Variants in SIPA1L2 observed in about 807,000 individuals in gnomAD.
The protein encoded by SIPA1L2 is signal-induced proliferation-associated 1-like protein 2.
In SIPA1L2, 56 loss-of-function variants were observed where a neutral mutation model predicts 163.9. The ratio of observed to expected loss-of-function variants is 0.34; its 90% confidence interval spans 0.28 to 0.43. The LOEUF is 0.43. Ranked by LOEUF, SIPA1L2 falls within the 20% of genes least tolerant of loss-of-function variation. The pLI, the probability that SIPA1L2 is intolerant of heterozygous loss-of-function variation, is 1.00. For missense variants in SIPA1L2, 1,974 were observed against 2,193.5 expected, an observed-to-expected ratio of 0.90 and a Z score of 2.00; for synonymous variants, 877 against 865.7, an observed-to-expected ratio of 1.01 and a Z score of -0.23.
At chr1:232,414,368 C>T (rs1438030485) in intron 19 of SIPA1L2, among the ~76,000 whole-genome samples, 1 of 152,118 alleles carries the variant, frequency 6.6e-6, no homozygotes, top group South Asian at 2.1e-4. Context: ...TAACGCATTA[C>T]GCTAGTCACA....
chr1:232,576,512 G>A (rs552582374), intron 1 of SIPA1L2, among the ~76,000 whole-genome samples: 3 of 152,172 alleles, frequency 2.0e-5, no homozygotes, highest in South Asian at 2.1e-4. Flanking sequence ...CAGACCTCCC[G>A]ATTCCCTGAG....
chr1:232,619,737 G>C (rs1662696582), intron 1 of SIPA1L2, among the ~76,000 whole-genome samples: 1 of 152,194 alleles, frequency 6.6e-6, no homozygotes, highest in Non-Finnish European at 1.5e-5. Context: ...AAGACTTCAA[G>C]ATGGCATGGT....
chr1:232,587,684 T>C (rs2102819740), intron 1 of SIPA1L2, among the ~76,000 whole-genome samples: 1 of 152,208 alleles, frequency 6.6e-6, no homozygotes, highest in East Asian at 1.9e-4. Context: ...CCTCACTTAT[T>C]GTCCTTGATG....
At chr1:232,630,486 C>G (rs1454259046), upstream of SIPA1L2, among the ~76,000 whole-genome samples, 1 of 152,218 alleles carries the variant, frequency 6.6e-6, no homozygotes, top group African/African-American at 2.4e-5. Flanking sequence ...GCTTTCGCCC[C>G]TCTGAGGAAT....
chr1:232,483,461 G>A (rs964000704), intron 6 of SIPA1L2, among the ~76,000 whole-genome samples: 1 of 151,892 alleles, frequency 6.6e-6, no homozygotes, highest in Admixed American at 6.6e-5. Flanking sequence ...GCTTGTCCTT[G>A]GTATACTGAA....
intron 16 of SIPA1L2, among the ~76,000 whole-genome samples, chr1:232,430,203 T>A (rs1009270724): frequency 2.4e-4 from 37 of 152,040 alleles, no homozygotes. Context: ...AGATGACCAA[T>A]CAAGTGCGAA....
In SIPA1L2 at chr1:232,529,487, G is replaced by A. The variant is rs527766929; in HGVS notation, c.-269-13879C>T. 1.4e-4 allele frequency among the ~76,000 whole-genome samples: 21 copies of A among 152,306 alleles called. No homozygotes were observed. The South Asian group carries it at 3.7e-3, about 27-fold the overall frequency. On this transcript the variant is annotated intron_variant, in intron 2 of 22. Coordinates refer to ENST00000674635, the MANE Select transcript of SIPA1L2 (RefSeq NM_020808.5). ...TGGGTGACATGGCTCCTGGCTTGGC[G>A]GAGGCCAGTAAAAGCTTCCAGGTAA...
At chr1:232,597,233 CCA>C (rs1422888197) in intron 1 of SIPA1L2, among the ~76,000 whole-genome samples, 4 of 152,068 alleles carry the variant, frequency 2.6e-5, no homozygotes. Context: ...CATCAATACC[CCA>C]CACACACAGG....
intron 11 of SIPA1L2, among the ~76,000 whole-genome samples, chr1:232,444,618 T>C (rs563119447): frequency 1.6e-4 from 24 of 152,210 alleles, no homozygotes; most frequent in Admixed American, 1.0e-3. Flanking sequence ...TTAATTCTGG[T>C]TAATATTTAT....
intron 7 of SIPA1L2, among the ~76,000 whole-genome samples, chr1:232,475,938 A>G (rs1003044106): frequency 6.6e-5 from 10 of 152,220 alleles, no homozygotes; most frequent in Admixed American, 1.3e-4. Context: ...GTGATATAGT[A>G]TAAGTATATG....
At chr1:232,447,875 G>A (rs1663310305) in intron 10 of SIPA1L2, among the ~76,000 whole-genome samples, 1 of 152,150 alleles carries the variant, frequency 6.6e-6, no homozygotes, top group East Asian at 1.9e-4. Flanking sequence ...TATATAAGCT[G>A]AACAGATATT....
chr1:232,599,912 T>C (rs1051967513), intron 1 of SIPA1L2, among the ~76,000 whole-genome samples: 2 of 152,256 alleles, frequency 1.3e-5, no homozygotes, highest in African/African-American at 4.8e-5. Context: ...AAGAAATGCC[T>C]TCCTGAAAGT....
chr1:232,547,409 A>G (rs998756093), intron 2 of SIPA1L2, among the ~76,000 whole-genome samples: 1 of 151,812 alleles, frequency 6.6e-6, no homozygotes, highest in Admixed American at 6.6e-5. Flanking sequence ...CGGTGTAACA[A>G]TCAGGGAAGC....
chr1:232,427,909 G>C (rs750239235), intron 17 of SIPA1L2, among the ~76,000 whole-genome samples: 1 of 152,214 alleles, frequency 6.6e-6, no homozygotes, highest in East Asian at 1.9e-4. Flanking sequence ...CATTTAAGGA[G>C]AGACAGCTTG....
At chr1:232,597,259 A>G (rs1382553624) in intron 1 of SIPA1L2, among the ~76,000 whole-genome samples, 1 of 152,146 alleles carries the variant, frequency 6.6e-6, no homozygotes, top group African/African-American at 2.4e-5. Flanking sequence ...GCAGGCCTGG[A>G]TGGCAGCCCC....
At chr1:232,418,794 G>A (rs917583091) in intron 18 of SIPA1L2, among the ~76,000 whole-genome samples, 2 of 152,180 alleles carry the variant, frequency 1.3e-5, no homozygotes, top group African/African-American at 4.8e-5. Context: ...GTGGTGAATG[G>A]GACTTCTATT....
intron 2 of SIPA1L2, among the ~76,000 whole-genome samples, chr1:232,565,689 C>A (rs1368956249): frequency 6.6e-6 from 1 of 152,176 alleles, no homozygotes; most frequent in Non-Finnish European, 1.5e-5. Context: ...AAAATTATCA[C>A]CTTTTACTGC....
rs181549756 is a variant in SIPA1L2 at position 232,540,130 on chromosome 1, C to T, written c.-269-24522G>A. ...ACCAGCCTGGCCAACATGGTGAAAC[C>T]TCATCTCTACTTAAAATACAAAATT... On this transcript the variant is annotated intron_variant, in intron 2 of 22. Transcript: ENST00000674635. Among the ~76,000 whole-genome samples, 423 of 152,194 alleles carry T rather than the reference C, an allele frequency of 2.8e-3. 1 individual carries two copies. The highest frequency in any genetic ancestry group is 6.8e-3 in the Middle Eastern group (2 of 294).
intron 1 of SIPA1L2, among the ~76,000 whole-genome samples, chr1:232,618,168 A>T (rs190555006): frequency 6.6e-6 from 1 of 152,364 alleles, no homozygotes. Context: ...AATAAATCTC[A>T]GAAGTTTAAA....
Sources: allele counts gnomAD v4.1 joint callset (sites outside exome capture counted in the v4.1 genomes callset), GRCh38; gene constraint gnomAD v4.1.1; transcripts MANE v1.5; gene names NCBI Gene and HGNC (gene_info 2026-07-23, HGNC 2026-07-21).